Variants in CCDC3 observed in about 807,000 individuals in gnomAD.
CCDC3 encodes coiled-coil domain-containing protein 3.
In CCDC3, 24 loss-of-function variants were observed where a neutral mutation model predicts 21.4. That is an observed-to-expected ratio of 1.12 (90% CI 0.81 to 1.58). CCDC3 has a LOEUF of 1.58. Among genes scored for constraint, CCDC3 ranks in the 40% most tolerant of loss-of-function variants. The pLI, the probability that CCDC3 is intolerant of heterozygous loss-of-function variation, is 0.00. For missense variants in CCDC3, 425 were observed against 360.9 expected, an observed-to-expected ratio of 1.18 and a Z score of -1.44; for synonymous variants, 186 against 166.0, an observed-to-expected ratio of 1.12 and a Z score of -0.93.
rs548423381 is a variant in CCDC3 at position 13,013,490 on chromosome 10, T to C, written c.-1-14978A>G. On this transcript the variant is annotated intron_variant, in intron 5 of 6. Coordinates refer to the CCDC3 transcript ENST00000378839. ...CAACAATAGTAAATACAAGAATGAA[T>C]AATTAGAACAGTTTAGAGATATTTA... 3.3e-5 allele frequency among the ~76,000 whole-genome samples: 5 copies of C among 152,268 alleles called. No homozygotes were observed. The East Asian group carries it at 9.6e-4, about 29-fold the overall frequency.
chr10:12,992,181 T>C (rs1475204468), intron 2 of CCDC3, among the ~76,000 whole-genome samples: 2 of 151,980 alleles, frequency 1.3e-5, no homozygotes, highest in East Asian at 3.9e-4. Flanking sequence ...CTTGAGGTCA[T>C]GAGTTTGAGA....
intron 3 of CCDC3, among the ~76,000 whole-genome samples, chr10:13,079,273 C>CATT (rs1358138164): frequency 1.1e-3 from 7 of 6,604 alleles, no homozygotes; most frequent in Admixed American, 3.5e-3. Flanking sequence ...AGGAGGCACG[C>CATT]GTTGTGGCCT....
chr10:12,925,863 T>C (rs1834528886), intron 2 of CCDC3, among the ~76,000 whole-genome samples: 1 of 152,280 alleles, frequency 6.6e-6, no homozygotes, highest in Non-Finnish European at 1.5e-5. Flanking sequence ...AGGGATGATC[T>C]GACTGGGATT....
rs144030268 is a variant in CCDC3 at position 13,062,548 on chromosome 10, A to G, written c.-270+11320T>C. Among the ~76,000 whole-genome samples the G allele has an allele frequency of 1.9e-3, 284 of 152,328 alleles. 2 individuals are homozygous for G. The highest frequency in any genetic ancestry group is 6.2e-3 in the African/African-American group (258 of 41,572). On this transcript the variant is annotated intron_variant, in intron 4 of 6. Transcript: ENST00000378839. ...AACCCCCTTTGGAAAATTATGACAG[A>G]CAGTGAAAGCTTATCTAAAGAGATA...
intron 5 of CCDC3, among the ~76,000 whole-genome samples, chr10:13,047,566 C>G (rs537309264): frequency 1.4e-4 from 21 of 152,152 alleles, no homozygotes; most frequent in Non-Finnish European, 2.4e-4. Context: ...ATTTCCCAAA[C>G]TAACCTGGCT....
intron 2 of CCDC3, among the ~76,000 whole-genome samples, chr10:12,978,100 C>A (rs569545311): frequency 2.4e-4 from 37 of 152,004 alleles, no homozygotes; most frequent in Admixed American, 5.2e-4. Context: ...CTCACTGCAA[C>A]CTCCGCCTCC....
intron 5 of CCDC3, among the ~76,000 whole-genome samples, chr10:13,041,679 C>A (rs1836458029): frequency 6.6e-6 from 1 of 151,916 alleles, no homozygotes; most frequent in South Asian, 2.1e-4. Context: ...GGCATGCCAC[C>A]ATGCCCAGCT....
chr10:13,073,713 G>A (rs1042020098), intron 4 of CCDC3, among the ~76,000 whole-genome samples: 5 of 151,826 alleles, frequency 3.3e-5, no homozygotes, highest in East Asian at 1.9e-4. Flanking sequence ...TCTCCAACTC[G>A]TGAGCTCAAG....
At chr10:13,015,078 T>C (rs1210438378) in intron 5 of CCDC3, among the ~76,000 whole-genome samples, 1 of 152,124 alleles carries the variant, frequency 6.6e-6, no homozygotes. Context: ...GCATGTGATA[T>C]AACGTTAAGT....
intron 2 of CCDC3, among the ~76,000 whole-genome samples, chr10:12,972,616 A>G (rs1456446491): frequency 6.6e-6 from 1 of 152,204 alleles, no homozygotes. Flanking sequence ...TAGGAGTTCA[A>G]GACCAGCCTG....
chr10:12,959,730 G>A (rs2131255641), intron 2 of CCDC3, among the ~76,000 whole-genome samples: 1 of 152,296 alleles, frequency 6.6e-6, no homozygotes, highest in South Asian at 2.1e-4. Context: ...AGGGTAAGCA[G>A]TGTGGCCTGG....
rs1206037221 is a variant in CCDC3, at chr10:13,001,372, G to A, written c.199C>T (p.His67Tyr). 3 of 1,591,688 alleles carry A rather than the reference G, an allele frequency of 1.9e-6. No individual in the cohort carries two copies. The highest frequency in any genetic ancestry group is 1.3e-5 in the African/African-American group (1 of 74,674). ...GLYNHLPWQY[H>Y]AGQGGLFYSA... ...TAGAAGAGGCCCCCCTGGCCGGCGT[G>A]GTACTGCCAGGGCAGGTGGTTGTAG... Residue 67 changes from histidine (H) to tyrosine (Y), a missense_variant, in exon 1 of 3, where the codon CAC (histidine) becomes TAC (tyrosine). Transcript: ENST00000378825.
At chr10:12,907,069 T>G (rs552565483) in intron 2 of CCDC3, among the ~76,000 whole-genome samples, 2 of 152,340 alleles carry the variant, frequency 1.3e-5, no homozygotes, top group South Asian at 4.1e-4. Context: ...CATCTTTTCC[T>G]GGTTCCATTG....
chr10:13,001,163 G>C (rs757499777), intron 1 of CCDC3, 34 bp downstream of exon 1: 2 of 1,541,046 alleles, frequency 1.3e-6, no homozygotes, highest in South Asian at 1.2e-5. Flanking sequence ...GGCGCAGAGA[G>C]AGAGAGAGGT....
chr10:13,087,725 A>G (rs143523524), intron 3 of CCDC3, among the ~76,000 whole-genome samples: 1 of 152,202 alleles, frequency 6.6e-6, no homozygotes, highest in African/African-American at 2.4e-5. Context: ...GTATCATCTA[A>G]GGTCAGTGGA....
At chr10:13,052,728 C>G (rs2131426167) in intron 4 of CCDC3, among the ~76,000 whole-genome samples, 1 of 152,038 alleles carries the variant, frequency 6.6e-6, no homozygotes, top group African/African-American at 2.4e-5. Flanking sequence ...TCACTTGAAG[C>G]CAGGAGTTCG....
chr10:12,908,356 C>T (rs573619751), intron 2 of CCDC3, among the ~76,000 whole-genome samples: 6 of 152,286 alleles, frequency 3.9e-5, no homozygotes, highest in South Asian at 2.1e-4. Context: ...CAGATCTCAT[C>T]GGTCTCTGGT....
chr10:12,922,848 T>C (rs149872517), intron 2 of CCDC3, among the ~76,000 whole-genome samples: 61 of 152,296 alleles, frequency 4.0e-4, no homozygotes, highest in Non-Finnish European at 8.7e-4. Context: ...CAGAAAGAGA[T>C]GCTTCCCCAA....
intron 2 of CCDC3, among the ~76,000 whole-genome samples, chr10:12,971,092 T>C (rs1446184533): frequency 6.6e-6 from 1 of 152,158 alleles, no homozygotes; most frequent in African/African-American, 2.4e-5. Context: ...AAAAGCCTTA[T>C]ACCGTTAATG....
Sources: allele counts gnomAD v4.1 joint callset (sites outside exome capture counted in the v4.1 genomes callset), GRCh38; gene constraint gnomAD v4.1.1; transcripts MANE v1.5; gene names NCBI Gene and HGNC (gene_info 2026-07-23, HGNC 2026-07-21).